The following GLCE variants were observed in gnomAD, a reference collection of about 807,000 sequenced individuals.
GLCE encodes the protein D-glucuronyl C5-epimerase.
Under a neutral mutation model 47.9 loss-of-function variants are expected in GLCE, and 19 were observed. The observed-to-expected ratio is 0.40, with a 90% CI of 0.28 to 0.58. The LOEUF (loss-of-function observed/expected upper bound fraction) is 0.58. GLCE is among the 20% of genes least tolerant of loss of function. The probability of loss-of-function intolerance (pLI) is 0.48; values close to 1 mark genes in which losing one functional copy is unlikely to be tolerated. For synonymous variants in GLCE, 245 were observed against 263.4 expected (o/e 0.93, Z 0.68); for missense variants, 556 against 743.3 (o/e 0.75, Z 2.93).
intron 1 of GLCE, among the ~76,000 whole-genome samples, chr15:69,173,635 T>C (rs2051619377): frequency 6.6e-6 from 1 of 151,926 alleles, no homozygotes. Flanking sequence ...CACTAAAGCA[T>C]AGATTGAGTA....
chr15:69,214,075 G>T (rs1004578292), intron 2 of GLCE, among the ~76,000 whole-genome samples: 4 of 151,674 alleles, frequency 2.6e-5, no homozygotes, highest in African/African-American at 9.7e-5. Context: ...GGCTCATCTT[G>T]TATTTTCCCT....
At chr15:69,266,431 G>T (rs1595793096) in intron 4 of GLCE, among the ~76,000 whole-genome samples, 1 of 152,060 alleles carries the variant, frequency 6.6e-6, no homozygotes, top group African/African-American at 2.4e-5. Flanking sequence ...GGCTCAAGCA[G>T]TCCTCCCACG....
intron 4 of GLCE, among the ~76,000 whole-genome samples, chr15:69,265,827 A>G (rs1326296573): frequency 6.6e-6 from 1 of 152,158 alleles, no homozygotes; most frequent in Non-Finnish European, 1.5e-5. Context: ...ATTGTTATCC[A>G]GTTTGGCCAG....
At chr15:69,181,762 A>G (rs1301845697) in intron 1 of GLCE, among the ~76,000 whole-genome samples, 1 of 152,100 alleles carries the variant, frequency 6.6e-6, no homozygotes, top group Non-Finnish European at 1.5e-5. Context: ...GAGGGAGAGA[A>G]ATAGAATAGT....
intron 1 of GLCE, among the ~76,000 whole-genome samples, chr15:69,182,658 C>G: frequency 6.6e-6 from 1 of 152,014 alleles, no homozygotes. Flanking sequence ...GTTGGGTTGG[C>G]AGATTTTTTG....
chr15:69,168,514 G>A (rs551203046), intron 1 of GLCE, among the ~76,000 whole-genome samples: 98 of 149,916 alleles, frequency 6.5e-4, no homozygotes, highest in Admixed American at 1.4e-3. Context: ...GGAGGAAGAG[G>A]AACTTTCCAT....
chr15:69,192,076 G>A (rs28835691), intron 1 of GLCE, among the ~76,000 whole-genome samples: 2,522 of 152,200 alleles, frequency 0.017, 76 homozygotes, highest in African/African-American at 0.058. Flanking sequence ...GATATTGCTT[G>A]AACTTCTGGG....
intron 2 of GLCE, among the ~76,000 whole-genome samples, chr15:69,238,570 T>C (rs1019359086): frequency 5.9e-5 from 9 of 152,186 alleles, no homozygotes; most frequent in African/African-American, 1.7e-4. Flanking sequence ...TCCTTTCTCA[T>C]TGAAATGAAT....
At chr15:69,224,979 A>G (rs138387713) in intron 2 of GLCE, among the ~76,000 whole-genome samples, 1,697 of 152,284 alleles carry the variant, frequency 0.011, 31 homozygotes, top group African/African-American at 0.038. Flanking sequence ...TAAACTCAAC[A>G]TAAGTGATAT....
At chr15:69,165,086 C>T (rs1213452440) in intron 1 of GLCE, among the ~76,000 whole-genome samples, 2 of 151,838 alleles carry the variant, frequency 1.3e-5, no homozygotes, top group Non-Finnish European at 2.9e-5. Flanking sequence ...TTCAACTTTT[C>T]TTTTAAGTTC....
At chr15:69,182,829 C>G (rs2051769669) in intron 1 of GLCE, among the ~76,000 whole-genome samples, 2 of 152,076 alleles carry the variant, frequency 1.3e-5, no homozygotes, top group African/African-American at 4.8e-5. Context: ...GCCTGGCCAA[C>G]ATGGTGAAAC....
intron 4 of GLCE, among the ~76,000 whole-genome samples, chr15:69,264,169 A>AC (rs1056526327): frequency 1.8e-4 from 14 of 77,054 alleles, no homozygotes; most frequent in Non-Finnish European, 2.5e-4. Context: ...CATTTTTCCC[A>AC]CCCCCCCAGC....
intron 2 of GLCE, among the ~76,000 whole-genome samples, chr15:69,245,332 CAAAAA>C (rs34544477): frequency 1.3e-5 from 1 of 79,190 alleles, no homozygotes; most frequent in African/African-American, 4.8e-5. Flanking sequence ...GACTCTGTCT[CAAAAA>C]AAAAAAAAAA....
chr15:69,234,220 C>T (rs971923156), intron 2 of GLCE, among the ~76,000 whole-genome samples: 6 of 152,170 alleles, frequency 3.9e-5, no homozygotes, highest in East Asian at 1.9e-4. Flanking sequence ...TCAGGTAATC[C>T]GCCCGCCTCA....
intron 2 of GLCE, among the ~76,000 whole-genome samples, chr15:69,243,570 C>CAAA (rs10656486): frequency 0.013 from 1,871 of 139,804 alleles, 23 homozygotes; most frequent in Non-Finnish European, 0.018. Flanking sequence ...GCCCCCATCT[C>CAAA]AAAAAAAAAA....
chr15:69,169,360 A>G, intron 1 of GLCE, among the ~76,000 whole-genome samples: 1 of 152,320 alleles, frequency 6.6e-6, no homozygotes, highest in East Asian at 1.9e-4. Flanking sequence ...TAAATATATA[A>G]TAAAACATAT....
chr15:69,263,830 A>T (rs1252601325), intron 4 of GLCE, among the ~76,000 whole-genome samples: 1 of 152,164 alleles, frequency 6.6e-6, no homozygotes, highest in Admixed American at 6.5e-5. Context: ...GGATTGATTA[A>T]CAGTTTTTGT....
intron 3 of GLCE, 61 bp downstream of exon 3, chr15:69,256,453 ATGT>A (rs1452994139): frequency 1.3e-5 from 14 of 1,118,010 alleles, no homozygotes; most frequent in South Asian, 6.8e-5. Flanking sequence ...GAATAAGAAA[ATGT>A]TGTTAATTAT....
chr15:69,226,683 C>G (rs1177279908), intron 2 of GLCE, among the ~76,000 whole-genome samples: 1 of 141,614 alleles, frequency 7.1e-6, no homozygotes, highest in East Asian at 2.1e-4. Flanking sequence ...TAAATCAGGA[C>G]TTTTAATATA....
Sources: allele counts gnomAD v4.1 joint callset (sites outside exome capture counted in the v4.1 genomes callset), GRCh38; gene constraint gnomAD v4.1.1; transcripts MANE v1.5; gene names NCBI Gene and HGNC (gene_info 2026-07-23, HGNC 2026-07-21).